The following HDAC4 variants were observed in gnomAD, a reference collection of about 807,000 sequenced individuals.
HDAC4 encodes histone deacetylase 4, also known as histone deacetylase A.
A neutral mutation model predicts 135.1 loss-of-function variants in HDAC4; 16 were observed. The ratio of observed to expected loss-of-function variants is 0.12; its 90% CI spans 0.08 to 0.18. The LOEUF (loss-of-function observed/expected upper bound fraction) is 0.18, where lower values mean the gene tolerates loss of function less well. Ranked by LOEUF, HDAC4 falls within the 10% of genes least tolerant of loss-of-function variation. The pLI is 1.00. For synonymous variants in HDAC4, 685 were observed against 653.4 expected, an observed-to-expected ratio of 1.05 and a Z score of -0.74; for missense variants, 1,143 against 1,511.8, an observed-to-expected ratio of 0.76 and a Z score of 4.05.
chr2:239,295,986 C>T (rs1388842447), intron 2 of HDAC4, among the ~76,000 whole-genome samples: 1 of 152,216 alleles, frequency 6.6e-6, no homozygotes, highest in Non-Finnish European at 1.5e-5. Context: ...GCAATGGGCG[C>T]ATCTACAGAG....
At chr2:239,361,657 G>C (rs575401507) in intron 1 of HDAC4, among the ~76,000 whole-genome samples, 16 of 152,356 alleles carry the variant, frequency 1.1e-4, no homozygotes, top group Middle Eastern at 3.4e-3. Context: ...GAGGAAAGCA[G>C]TCTTTTCTAT....
At chr2:239,085,037 GACAGACACACACAC>G (rs1162647402) in intron 19 of HDAC4, among the ~76,000 whole-genome samples, 1 of 112,998 alleles carries the variant, frequency 8.8e-6, no homozygotes, top group African/African-American at 3.6e-5. Context: ...TACTGAGACA[GACAGACACACACAC>G]ACACACACAC....
intron 6 of HDAC4, among the ~76,000 whole-genome samples, chr2:239,163,172 C>T (rs568414735): frequency 3.3e-5 from 5 of 152,248 alleles, no homozygotes; most frequent in East Asian, 3.9e-4. Flanking sequence ...CTGTCAATTG[C>T]GTGGGCCCTG....
chr2:239,397,251 G>C (rs1696622527), intron 1 of HDAC4, among the ~76,000 whole-genome samples: 1 of 152,218 alleles, frequency 6.6e-6, no homozygotes, highest in South Asian at 2.1e-4. Context: ...AGATGCAGGG[G>C]GTGGCACATG....
chr2:239,263,431 T>G (rs920020002), intron 2 of HDAC4, among the ~76,000 whole-genome samples: 3 of 148,622 alleles, frequency 2.0e-5, no homozygotes, highest in Non-Finnish European at 4.5e-5. Context: ...AGCTTCCCCC[T>G]CGGAGCTGCC....
chr2:239,286,067 G>A (rs1258303861), intron 2 of HDAC4, among the ~76,000 whole-genome samples: 1 of 152,138 alleles, frequency 6.6e-6, no homozygotes, highest in Non-Finnish European at 1.5e-5. Flanking sequence ...ATGAGAAATG[G>A]TACGATTACT....
At chr2:239,227,439 C>T (rs537256489) in intron 3 of HDAC4, among the ~76,000 whole-genome samples, 60 of 152,236 alleles carry the variant, frequency 3.9e-4, no homozygotes, top group African/African-American at 1.3e-3. Context: ...CAAGTGGGAC[C>T]GGGCAGCCCC....
At chr2:239,394,928 T>A (rs576786841) in intron 1 of HDAC4, among the ~76,000 whole-genome samples, 1 of 152,370 alleles carries the variant, frequency 6.6e-6, no homozygotes, top group East Asian at 1.9e-4. Flanking sequence ...AAAGGTGGCA[T>A]TAAACAACTA....
chr2:239,243,891 C>G (rs1047152201), intron 2 of HDAC4, among the ~76,000 whole-genome samples: 1 of 152,186 alleles, frequency 6.6e-6, no homozygotes, highest in Admixed American at 6.5e-5. Context: ...AGATTTCCTC[C>G]GTTTTTCCCT....
intron 1 of HDAC4, among the ~76,000 whole-genome samples, chr2:239,358,011 T>A (rs1320821775): frequency 6.6e-6 from 1 of 150,460 alleles, no homozygotes; most frequent in Non-Finnish European, 1.5e-5. Context: ...ACAACTTAGA[T>A]GAAATAAACA....
chr2:239,213,178 G>A (rs1357937456), intron 3 of HDAC4, among the ~76,000 whole-genome samples: 1 of 150,702 alleles, frequency 6.6e-6, no homozygotes, highest in Non-Finnish European at 1.5e-5. Context: ...GAATGAGGAG[G>A]AGGAGGGCTT....
intron 3 of HDAC4, among the ~76,000 whole-genome samples, chr2:239,197,580 A>T (rs1194080734): frequency 6.6e-6 from 1 of 152,084 alleles, no homozygotes; most frequent in Admixed American, 6.5e-5. Flanking sequence ...CTCCCAGAAC[A>T]ATACTGGGTC....
intron 2 of HDAC4, among the ~76,000 whole-genome samples, chr2:239,247,650 C>T (rs1008276825): frequency 1.3e-5 from 2 of 152,204 alleles, no homozygotes; most frequent in African/African-American, 2.4e-5. Flanking sequence ...ATCACAAACT[C>T]GCTAAAGGTG....
chr2:239,162,085 TG>T (rs1326208993), intron 6 of HDAC4: 1 of 455,442 alleles, frequency 2.2e-6, no homozygotes, highest in Non-Finnish European at 4.4e-6. Context: ...GGCCACCCTC[TG>T]GGGGCTGCCC....
intron 2 of HDAC4, among the ~76,000 whole-genome samples, chr2:239,351,466 C>A (rs1463503169): frequency 1.3e-5 from 2 of 152,242 alleles, no homozygotes; most frequent in Non-Finnish European, 2.9e-5. Flanking sequence ...TCTCACCCAA[C>A]AGCAGCCCAG....
intron 2 of HDAC4, among the ~76,000 whole-genome samples, chr2:239,343,512 G>A (rs1376836163): frequency 6.6e-6 from 1 of 152,254 alleles, no homozygotes; most frequent in Non-Finnish European, 1.5e-5. Flanking sequence ...GGCCCCAGCC[G>A]GCGGGGCAGG....
chr2:239,113,163 T>C (rs1462749615), intron 13 of HDAC4, among the ~76,000 whole-genome samples: 2 of 152,182 alleles, frequency 1.3e-5, no homozygotes, highest in East Asian at 3.8e-4. Flanking sequence ...GGCAGAATAA[T>C]TGCTTGAGCC....
At chr2:239,172,972 A>C (rs1484519889) in intron 5 of HDAC4, among the ~76,000 whole-genome samples, 2 of 152,346 alleles carry the variant, frequency 1.3e-5, no homozygotes, top group Non-Finnish European at 2.9e-5. Flanking sequence ...GGGGGGAAAA[A>C]TGTCCCAGGA....
chr2:239,095,396 G>A (rs757787644), intron 16 of HDAC4, among the ~76,000 whole-genome samples: 46 of 152,290 alleles, frequency 3.0e-4, no homozygotes, highest in Non-Finnish European at 5.9e-4. Flanking sequence ...CCGTGCCCCT[G>A]AGGGGCTGTA....
Sources: allele counts gnomAD v4.1 joint callset (sites outside exome capture counted in the v4.1 genomes callset), GRCh38; gene constraint gnomAD v4.1.1; transcripts MANE v1.5; gene names NCBI Gene and HGNC (gene_info 2026-07-23, HGNC 2026-07-21).